The following CTNNA3 variants were observed in gnomAD, a reference collection of about 807,000 sequenced individuals.
CTNNA3 encodes catenin alpha 3, also known as catenin alpha-3.
Under a neutral mutation model 95.7 loss-of-function variants are expected in CTNNA3, and 76 were observed. That is an observed-to-expected ratio of 0.79 (90% CI 0.66 to 0.96). CTNNA3 has a LOEUF of 0.96. Among genes scored for constraint, CTNNA3 ranks in the 40% least tolerant of loss-of-function variants. CTNNA3 has a pLI of 0.00. For missense variants in CTNNA3, 1,191 were observed against 1,089.8 expected (o/e 1.09, Z -1.31); for synonymous variants, 431 against 374.4 (o/e 1.15, Z -1.74).
intron 7 of CTNNA3, among the ~76,000 whole-genome samples, chr10:66,947,203 G>C (rs1848315735): frequency 6.6e-6 from 1 of 151,972 alleles, no homozygotes; most frequent in Admixed American, 6.6e-5. Flanking sequence ...TCTTTCCAAG[G>C]TATGGCCCCA....
intron 12 of CTNNA3, among the ~76,000 whole-genome samples, chr10:66,291,137 G>A (rs2091674561): frequency 6.6e-6 from 1 of 152,128 alleles, no homozygotes; most frequent in South Asian, 2.1e-4. Flanking sequence ...TGTGTGGTAT[G>A]TTGAGGCTTG....
At position 66,050,893 on chromosome 10, in the gene CTNNA3, G is replaced by A. The variant is rs769464264; in HGVS notation, c.2159+18415C>T. Among the ~76,000 whole-genome samples the A allele has an allele frequency of 4.4e-4, 67 of 151,490 alleles. 1 individual carries two copies. The highest frequency in any genetic ancestry group is 1.3e-3 in the African/African-American group (53 of 41,222). On this transcript the variant is annotated intron_variant, in intron 15 of 17. Transcript: ENST00000433211. Reference sequence around the variant, plus strand: ...TTAAGAGATGGGGTCTTGTTCTTTCGCCCAGATGGGAGTACAGTGGTGGAA... The same window carrying A: ...TTAAGAGATGGGGTCTTGTTCTTTCACCCAGATGGGAGTACAGTGGTGGAA...
chr10:67,615,004 T>C (rs552617266), intron 2 of CTNNA3, among the ~76,000 whole-genome samples: 61 of 152,320 alleles, frequency 4.0e-4, no homozygotes, highest in Non-Finnish European at 8.2e-4. Context: ...CCCATTTTAA[T>C]TTAATTACTT....
intron 11 of CTNNA3, among the ~76,000 whole-genome samples, chr10:66,452,691 C>CATTA (rs1389356739): frequency 7.2e-5 from 11 of 152,082 alleles, no homozygotes; most frequent in African/African-American, 2.7e-4. Context: ...CTGTGAATAA[C>CATTA]ATTATTATTG....
At chr10:66,104,171 C>T (rs1473404717) in intron 13 of CTNNA3, among the ~76,000 whole-genome samples, 2 of 152,126 alleles carry the variant, frequency 1.3e-5, no homozygotes, top group Non-Finnish European at 2.9e-5. Context: ...TCAATTTCAG[C>T]TTAAATGCCT....
chr10:66,739,001 GGGGGATGT>G (rs1849239951), intron 9 of CTNNA3, among the ~76,000 whole-genome samples: 1 of 152,152 alleles, frequency 6.6e-6, no homozygotes, highest in Non-Finnish European at 1.5e-5. Context: ...TGATGTGTGA[GGGGGATGT>G]GGAGGAGGAT....
intron 16 of CTNNA3, 65 bp downstream of exon 16, chr10:65,988,627 C>A: frequency 7.6e-7 from 1 of 1,319,408 alleles, no homozygotes; most frequent in Non-Finnish European, 1.1e-6. Flanking sequence ...TTGCCTAAAT[C>A]AATGTTCTAA....
chr10:66,598,579 T>C (rs10997253), intron 10 of CTNNA3, among the ~76,000 whole-genome samples: 10,262 of 151,976 alleles, frequency 0.068, 532 homozygotes, highest in East Asian at 0.24. Context: ...ATTCAGAACA[T>C]ATGAAGAATC....
intron 5 of CTNNA3, among the ~76,000 whole-genome samples, chr10:67,280,851 G>A (rs2132442019): frequency 1.3e-5 from 2 of 152,162 alleles, no homozygotes; most frequent in South Asian, 4.2e-4. Context: ...TCAACTGTCT[G>A]TCTGTTTCTT....
chr10:67,312,040 G>T (rs1212677596), intron 5 of CTNNA3, among the ~76,000 whole-genome samples: 1 of 150,828 alleles, frequency 6.6e-6, no homozygotes, highest in Non-Finnish European at 1.5e-5. Context: ...TGTTAAGTCT[G>T]CAAGGCTTGT....
At chr10:67,516,473 T>C (rs1839816926) in intron 5 of CTNNA3, among the ~76,000 whole-genome samples, 1 of 152,222 alleles carries the variant, frequency 6.6e-6, no homozygotes, top group Non-Finnish European at 1.5e-5. Flanking sequence ...CATTGTTTTG[T>C]TGTATCCTCA....
At chr10:66,033,216 CACAT>C (rs2079485926) in intron 15 of CTNNA3, among the ~76,000 whole-genome samples, 1 of 151,132 alleles carries the variant, frequency 6.6e-6, no homozygotes, top group African/African-American at 2.4e-5. Flanking sequence ...CTGCAACCTC[CACAT>C]GCTGGGTTCA....
At chr10:66,929,490 C>A (rs1847251516) in intron 7 of CTNNA3, among the ~76,000 whole-genome samples, 1 of 152,188 alleles carries the variant, frequency 6.6e-6, no homozygotes, top group Admixed American at 6.5e-5. Flanking sequence ...ACACACCAGT[C>A]CCCTAATGAC....
Position 66,456,271 on chromosome 10 carries a change from C to T in CTNNA3, c.1531+64346G>A, listed in dbSNP as rs987741778. 1.6e-3 allele frequency among the ~76,000 whole-genome samples: 238 copies of T among 152,178 alleles called. 2 individuals carry two copies. Among genetic ancestry groups the T allele is most frequent in the African/African-American group, 5.1e-3 (213 of 41,516 alleles). ...GAATAAAATTGGAGGAATCACCCTA[C>T]CTAAATTTAAAATTTACTGTAAAGC... On this transcript the variant is annotated intron_variant, in intron 11 of 17. Transcript: ENST00000433211.
chr10:67,687,395 A>T (rs1840754321), intron 1 of CTNNA3, among the ~76,000 whole-genome samples: 1 of 152,148 alleles, frequency 6.6e-6, no homozygotes, highest in Non-Finnish European at 1.5e-5. Flanking sequence ...TAGTAGGACA[A>T]TCTTTTTTAA....
At chr10:66,599,608 G>A (rs1307866705) in intron 10 of CTNNA3, among the ~76,000 whole-genome samples, 1 of 151,814 alleles carries the variant, frequency 6.6e-6, no homozygotes, top group Admixed American at 6.6e-5. Flanking sequence ...CTCATTACAG[G>A]TGTTTTTCTT....
chr10:66,837,456 G>A (rs895745789), intron 7 of CTNNA3: 12 of 152,116 alleles, frequency 7.9e-5, no homozygotes, highest in African/African-American at 2.9e-4. Context: ...ACCCCTTCCT[G>A]AAGAGCTTAA....
intron 13 of CTNNA3, among the ~76,000 whole-genome samples, chr10:66,179,225 A>G (rs2085903073): frequency 6.6e-6 from 1 of 152,026 alleles, no homozygotes; most frequent in African/African-American, 2.4e-5. Context: ...CTTAGCAATT[A>G]AAAAAACGAA....
chr10:66,913,238 C>CAAAAAA lies in CTNNA3; in HGVS notation c.1048-137720_1048-137715dup, dbSNP rs1161880781. Among the ~76,000 whole-genome samples the CAAAAAA allele has an allele frequency of 5.4e-3, 179 of 33,356 alleles. 5 individuals are homozygous for CAAAAAA. The highest frequency in any genetic ancestry group is 0.014 in the African/African-American group (115 of 8,018). 21.9% of individuals were successfully genotyped at this position (33,356 alleles called of 152,430 possible). ...TGGGCGAAAGAGCGAGACTCCGTCT[C>CAAAAAA]AAAAAAAAAAAAAAAAAAAAAAAAA... On this transcript the variant is annotated intron_variant, in intron 7 of 17. Coordinates refer to ENST00000433211, the MANE Select transcript of CTNNA3 (RefSeq NM_013266.4).
Sources: gnomAD v4.1 joint callset for allele counts (sites outside exome capture counted in the v4.1 genomes callset) on GRCh38, gnomAD v4.1.1 for gene constraint, MANE v1.5 for transcripts, NCBI Gene and HGNC (gene_info 2026-07-23, HGNC 2026-07-21) for gene names.